The following TBL1XR1 variants were observed in gnomAD, a reference collection of about 807,000 sequenced individuals.
The protein encoded by TBL1XR1 is F-box-like/WD repeat-containing protein TBL1XR1.
Under a neutral mutation model 66.9 loss-of-function variants are expected in TBL1XR1, and 5 were observed. The observed-to-expected ratio is 0.07, with a 90% CI of 0.04 to 0.16. TBL1XR1 has a LOEUF of 0.16. Among genes scored for constraint, TBL1XR1 ranks in the 10% least tolerant of loss-of-function variants. The pLI, the probability that TBL1XR1 is intolerant of heterozygous loss-of-function variation, is 1.00. For synonymous variants in TBL1XR1, 210 were observed against 206.0 expected, an observed-to-expected ratio of 1.02 and a Z score of -0.17; for missense variants, 238 against 623.2, an observed-to-expected ratio of 0.38 and a Z score of 6.58.
intron 1 of TBL1XR1, among the ~76,000 whole-genome samples, chr3:177,172,248 A>C (rs9682370): frequency 1.4e-5 from 2 of 140,386 alleles, no homozygotes; most frequent in Non-Finnish European, 3.1e-5. Flanking sequence ...GAGACAAAGC[A>C]AAACTCCCAC....
intron 2 of TBL1XR1, among the ~76,000 whole-genome samples, chr3:177,070,802 C>T (rs1378322119): frequency 6.6e-6 from 1 of 151,708 alleles, no homozygotes; most frequent in Non-Finnish European, 1.5e-5. Flanking sequence ...GCTGAGATTG[C>T]ACCACTGCAC....
At chr3:177,143,233 C>T (rs141885982) in intron 1 of TBL1XR1, among the ~76,000 whole-genome samples, 15 of 152,084 alleles carry the variant, frequency 9.9e-5, no homozygotes, top group Non-Finnish European at 1.8e-4. Flanking sequence ...TATTGATCAG[C>T]TGACAAAAAT....
intron 14 of TBL1XR1, among the ~76,000 whole-genome samples, chr3:177,028,671 C>T (rs535131922): frequency 3.9e-5 from 6 of 152,256 alleles, no homozygotes; most frequent in African/African-American, 1.4e-4. Context: ...TAACGATTTT[C>T]CCTAATTTCA....
At chr3:177,197,828 G>A (rs1190308020), upstream of TBL1XR1, among the ~76,000 whole-genome samples, 1 of 147,558 alleles carries the variant, frequency 6.8e-6, no homozygotes, top group South Asian at 2.1e-4. Context: ...ACTCGAAGGC[G>A]CCTCGGGGCC....
At chr3:177,075,377 C>T (rs766286508) in intron 2 of TBL1XR1, among the ~76,000 whole-genome samples, 3 of 152,220 alleles carry the variant, frequency 2.0e-5, no homozygotes, top group African/African-American at 4.8e-5. Flanking sequence ...ATGCCAATAA[C>T]GTCATCTTAA....
chr3:177,185,222 G>GCA (rs776892300), intron 1 of TBL1XR1, among the ~76,000 whole-genome samples: 75 of 152,246 alleles, frequency 4.9e-4, no homozygotes, highest in Non-Finnish European at 5.4e-4. Context: ...GTCACTCTAA[G>GCA]CACACACAAC....
intron 1 of TBL1XR1, among the ~76,000 whole-genome samples, chr3:177,101,498 A>G (rs1026459358): frequency 2.0e-5 from 3 of 152,196 alleles, no homozygotes; most frequent in African/African-American, 4.8e-5. Flanking sequence ...AGGAATTAGT[A>G]TTAAGATAAA....
intron 1 of TBL1XR1, among the ~76,000 whole-genome samples, chr3:177,182,907 T>A (rs1156826688): frequency 1.3e-5 from 2 of 152,226 alleles, no homozygotes; most frequent in Admixed American, 1.3e-4. Flanking sequence ...GTCATTCTTC[T>A]AAGTACTGTC....
intron 1 of TBL1XR1, among the ~76,000 whole-genome samples, chr3:177,175,928 G>A (rs900919114): frequency 1.3e-5 from 2 of 151,402 alleles, no homozygotes; most frequent in African/African-American, 4.8e-5. Flanking sequence ...GTGGTGGTGG[G>A]CGCCTGTAGT....
intron 1 of TBL1XR1, among the ~76,000 whole-genome samples, chr3:177,100,066 C>G (rs1351826841): frequency 6.6e-6 from 1 of 152,132 alleles, no homozygotes; most frequent in Non-Finnish European, 1.5e-5. Flanking sequence ...GGTGAAATCC[C>G]ATCACTACCA....
chr3:177,136,263 G>A (rs1728984756), intron 1 of TBL1XR1: 1 of 152,122 alleles, frequency 6.6e-6, no homozygotes, highest in African/African-American at 2.4e-5. Flanking sequence ...CAAAAGCACT[G>A]TCTGTTGTAT....
intron 1 of TBL1XR1, among the ~76,000 whole-genome samples, chr3:177,172,252 C>A (rs1229798750): frequency 1.4e-5 from 2 of 139,274 alleles, no homozygotes; most frequent in African/African-American, 5.5e-5. Context: ...CAAAGCAAAA[C>A]TCCCACCTCA....
intron 1 of TBL1XR1, among the ~76,000 whole-genome samples, chr3:177,110,153 T>C (rs1244091730): frequency 2.6e-5 from 4 of 152,174 alleles, no homozygotes; most frequent in Non-Finnish European, 5.9e-5. Flanking sequence ...AGCTATGAAA[T>C]GCTAAAGAGA....
At chr3:177,046,100 A>G (rs1259951303) in intron 10 of TBL1XR1, 29 bp downstream of exon 10, 12 of 1,504,624 alleles carry the variant, frequency 8.0e-6, no homozygotes, top group Non-Finnish European at 9.8e-6. Flanking sequence ...AGCAAGCTCC[A>G]GCTTTCACGT....
At chr3:177,118,972 T>TC (rs1283201050) in intron 1 of TBL1XR1, among the ~76,000 whole-genome samples, 17 of 152,096 alleles carry the variant, frequency 1.1e-4, no homozygotes, top group African/African-American at 3.9e-4. Flanking sequence ...ATCAGGTTTT[T>TC]TTTGTTTTTT....
chr3:177,023,328 ATTTT>A lies in TBL1XR1; in HGVS notation c.*2166_*2169del, dbSNP rs979313663. On this transcript the variant is annotated 3_prime_UTR_variant, in exon 16 of 16. Transcript: ENST00000457928. ...TAAAATTATTGCACAGATTTTTTTAATTTTTATTTATTTTTTTTAAACAATAACA... is the reference window on the plus strand; with the variant it reads ...TAAAATTATTGCACAGATTTTTTTAATATTTATTTTTTTTAAACAATAACA... The A allele has an allele frequency of 6.6e-6, 1 of 152,452 alleles. No individual in the cohort carries two copies. The highest frequency in any genetic ancestry group is 1.5e-5 in the Non-Finnish European group (1 of 67,950). 9.4% of individuals were successfully genotyped at this position (152,452 alleles called of 1,614,324 possible).
chr3:177,180,600 C>A (rs1358971119), intron 1 of TBL1XR1, among the ~76,000 whole-genome samples: 1 of 152,016 alleles, frequency 6.6e-6, no homozygotes, highest in Non-Finnish European at 1.5e-5. Context: ...ACAGTAAATT[C>A]TGGTTTCTAG....
upstream of TBL1XR1, among the ~76,000 whole-genome samples, chr3:177,198,320 T>G (rs757061897): frequency 1.3e-4 from 20 of 152,212 alleles, no homozygotes; most frequent in Non-Finnish European, 2.6e-4. Context: ...ATTTATCATC[T>G]GGTGGGTCTG....
intron 2 of TBL1XR1, among the ~76,000 whole-genome samples, chr3:177,093,041 A>G (rs1388234246): frequency 1.3e-5 from 2 of 152,140 alleles, no homozygotes; most frequent in Non-Finnish European, 2.9e-5. Context: ...GTTTGCTGAT[A>G]ATATAATTGT....
Sources: gnomAD v4.1 joint callset for allele counts (sites outside exome capture counted in the v4.1 genomes callset) on GRCh38, gnomAD v4.1.1 for gene constraint, MANE v1.5 for transcripts, NCBI Gene and HGNC (gene_info 2026-07-23, HGNC 2026-07-21) for gene names.